WDR93: variants seen among roughly 807,000 people sequenced by gnomAD.
WDR93 encodes the protein WD repeat-containing protein 93.
WDR93 carries 73 observed loss-of-function variants against 82.9 expected under a neutral mutation model. The ratio of observed to expected loss-of-function variants is 0.88; its 90% CI spans 0.73 to 1.07. The LOEUF (loss-of-function observed/expected upper bound fraction) is 1.07, where lower values mean the gene tolerates loss of function less well. WDR93 is among the 50% of genes least tolerant of loss of function. The pLI is 0.00. For missense variants in WDR93, 738 were observed against 826.0 expected (o/e 0.89, Z 1.31); for synonymous variants, 283 against 300.1 (o/e 0.94, Z 0.59).
chr15:89,727,597 G>A (rs1198169433), intron 9 of WDR93, among the ~76,000 whole-genome samples: 2 of 152,104 alleles, frequency 1.3e-5, no homozygotes, highest in Non-Finnish European at 2.9e-5. Flanking sequence ...GGAGAATTTT[G>A]AGCGAACATC....
intron 13 of WDR93, 125 bp from the exon 14 acceptor site, chr15:89,735,365 A>T: frequency 1.1e-6 from 1 of 924,340 alleles, no homozygotes; most frequent in Non-Finnish European, 1.7e-6. Context: ...TTTTGCTACT[A>T]TGAACAGCCT....
intron 4 of WDR93, among the ~76,000 whole-genome samples, chr15:89,707,054 T>C (rs1965755918): frequency 6.6e-6 from 1 of 152,184 alleles, no homozygotes; most frequent in Admixed American, 6.5e-5. Context: ...AAGGGACTTG[T>C]AACCAGAATA....
chr15:89,732,209 A>C (rs1324766762), intron 12 of WDR93, among the ~76,000 whole-genome samples: 1 of 152,154 alleles, frequency 6.6e-6, no homozygotes, highest in Non-Finnish European at 1.5e-5. Flanking sequence ...TTGCAGTTGG[A>C]GATGTATTTA....
At chr15:89,690,722 G>A, upstream of WDR93, 2 of 919,998 alleles carry the variant, frequency 2.2e-6, no homozygotes, top group South Asian at 3.0e-5. Flanking sequence ...TCAGTCCCAG[G>A]TTATCCGCTG....
chr15:89,737,501 G>T, intron 14 of WDR93, 72 bp from the exon 15 acceptor site: 2 of 1,581,676 alleles, frequency 1.3e-6, no homozygotes, highest in South Asian at 1.1e-5. Context: ...TTACTGGGGT[G>T]ACCTCTACAC....
chr15:89,704,924 G>C (rs1047161725), intron 3 of WDR93: 2 of 152,718 alleles, frequency 1.3e-5, no homozygotes, highest in African/African-American at 4.8e-5. Flanking sequence ...CCCACAGTGG[G>C]CCAGATGCCT....
At chr15:89,715,126 G>A (rs1341961985) in intron 6 of WDR93, 31 bp downstream of exon 6, 4 of 1,592,482 alleles carry the variant, frequency 2.5e-6, no homozygotes, top group Non-Finnish European at 3.4e-6. Flanking sequence ...CAGCTGATAT[G>A]TTTCTCCCTA....
chr15:89,719,378 T>C (rs566478570), intron 7 of WDR93, among the ~76,000 whole-genome samples: 1 of 152,248 alleles, frequency 6.6e-6, no homozygotes, highest in Non-Finnish European at 1.5e-5. Flanking sequence ...AACTACAAAT[T>C]CAACTCCTTT....
At chr15:89,704,338 A>G (rs1965628846) in intron 3 of WDR93, 1 of 152,186 alleles carries the variant, frequency 6.6e-6, no homozygotes, top group East Asian at 1.9e-4. Context: ...AAAAAAAAAG[A>G]AAAGAAAAAG....
At chr15:89,690,533 A>T, upstream of WDR93, 1 of 1,471,368 alleles carries the variant, frequency 6.8e-7, no homozygotes, top group Non-Finnish European at 9.3e-7. Context: ...ACGGGAGCCG[A>T]GTTAGGGCGA....
At chr15:89,738,642 A>G (rs1394062357) in intron 16 of WDR93, among the ~76,000 whole-genome samples, 9 of 151,630 alleles carry the variant, frequency 5.9e-5, no homozygotes, top group East Asian at 1.9e-4. Context: ...AAAAAAAAAA[A>G]AAAGAAATTT....
At chr15:89,730,311 C>G (rs1427704822) in intron 11 of WDR93, among the ~76,000 whole-genome samples, 7 of 110,726 alleles carry the variant, frequency 6.3e-5, no homozygotes, top group Non-Finnish European at 5.3e-5. Context: ...GGTGACAGAG[C>G]AAGACTATCT....
intron 13 of WDR93, among the ~76,000 whole-genome samples, chr15:89,734,986 C>CTCCTTCCT (rs143651353): frequency 6.7e-5 from 10 of 149,784 alleles, no homozygotes; most frequent in African/African-American, 2.5e-4. Context: ...CCCTCCGTCC[C>CTCCTTCCT]TCCTTCCTTC....
In WDR93 at chr15:89,703,065, A is replaced by C. The variant is rs1965549175; in HGVS notation, c.419A>C (p.Lys140Thr). The C allele has an allele frequency of 1.9e-6, 3 of 1,614,214 alleles. No individual in the cohort carries two copies. The highest frequency in any genetic ancestry group is 2.5e-6 in the Non-Finnish European group (3 of 1,180,020). ...GCTAAACAAATATATGCGTGGGAGA[A>C]GCTTAAGGTTGATGTCACTTCCATC... ...YSAKQIYAWE[K>T]LKVDVTSIWA... Residue 140 changes from lysine (K) to threonine (T), a missense_variant, in exon 3 of 17, where the codon AAG becomes ACG. By Grantham distance (78) the Lys-to-Thr change is moderately conservative (BLOSUM62 -1). Transcript: ENST00000268130.
intron 11 of WDR93, among the ~76,000 whole-genome samples, chr15:89,731,083 A>G (rs1218283352): frequency 6.6e-6 from 1 of 152,172 alleles, no homozygotes; most frequent in Non-Finnish European, 1.5e-5. Context: ...TATGGCCTTG[A>G]GCAAGTCACT....
chr15:89,729,364 T>A (rs1007346200), intron 10 of WDR93, among the ~76,000 whole-genome samples: 1 of 152,172 alleles, frequency 6.6e-6, no homozygotes, highest in Admixed American at 6.5e-5. Context: ...TGCTTCTGGA[T>A]ATGAGTTTGT....
chr15:89,711,864 A>G (rs964351576), intron 4 of WDR93, among the ~76,000 whole-genome samples, 162 bp from the exon 5 acceptor site: 11 of 152,216 alleles, frequency 7.2e-5, no homozygotes, highest in African/African-American at 2.7e-4. Flanking sequence ...ATCTTGTCCA[A>G]TTCTTGTACA....
chr15:89,733,134 T>C lies in WDR93; in HGVS notation c.1459T>C (p.Cys487Arg). ...PEGQVKSQMK[C>R]VVLCTDASLH... ...AGGTCAAGTGAAATCCCAAATGAAATGTGTGGTGCTGTGCACAGACGCCTC... is the reference window on the plus strand; with the variant it reads ...AGGTCAAGTGAAATCCCAAATGAAACGTGTGGTGCTGTGCACAGACGCCTC... The change falls in exon 13 of 17, where the codon TGT (cysteine) becomes CGT (arginine). Residue 487 changes from cysteine to arginine, a missense_variant. Cys to Arg is a radical substitution (Grantham distance 180). Coordinates refer to ENST00000268130, the MANE Select transcript of WDR93 (RefSeq NM_020212.2). The C allele has an allele frequency of 6.2e-7, 1 of 1,614,106 alleles. No homozygotes were observed. Among genetic ancestry groups the C allele is most frequent in the Non-Finnish European group, 8.5e-7 (1 of 1,180,012 alleles).
At chr15:89,697,750 A>G (rs8032870) in intron 1 of WDR93, among the ~76,000 whole-genome samples, 66,494 of 151,978 alleles carry the variant, frequency 0.44, 15,031 homozygotes, top group African/African-American at 0.5. Context: ...ATCTCTGACT[A>G]TAATTGTGGA....
Sources: gnomAD v4.1 joint callset for allele counts (sites outside exome capture counted in the v4.1 genomes callset) on GRCh38, gnomAD v4.1.1 for gene constraint, MANE v1.5 for transcripts, NCBI Gene and HGNC (gene_info 2026-07-23, HGNC 2026-07-21) for gene names.